Variants in MAGI2 observed in about 807,000 individuals in gnomAD.
MAGI2 encodes membrane associated guanylate kinase, WW and PDZ domain containing 2.
Under a neutral mutation model 133.3 loss-of-function variants are expected in MAGI2, and 35 were observed. The ratio of observed to expected loss-of-function variants is 0.26; its 90% CI spans 0.20 to 0.35. The LOEUF is 0.35. Among genes scored for constraint, MAGI2 ranks in the 10% least tolerant of loss-of-function variants. The probability of loss-of-function intolerance (pLI) is 1.00; values close to 1 mark genes in which losing one functional copy is unlikely to be tolerated. For synonymous variants in MAGI2, 729 were observed against 710.6 expected, an observed-to-expected ratio of 1.03 and a Z score of -0.41; for missense variants, 1,636 against 1,863.4, an observed-to-expected ratio of 0.88 and a Z score of 2.25.
intron 4 of MAGI2, among the ~76,000 whole-genome samples, chr7:78,515,578 C>T (rs951238912): frequency 2.0e-5 from 3 of 152,034 alleles, no homozygotes; most frequent in South Asian, 2.1e-4. Flanking sequence ...ATATGCTAAT[C>T]GCTGAACAGG....
chr7:78,958,435 C>A (rs1232782797), intron 2 of MAGI2, among the ~76,000 whole-genome samples: 2 of 152,016 alleles, frequency 1.3e-5, no homozygotes, highest in African/African-American at 4.8e-5. Context: ...GAACAGGGAC[C>A]CTCAACATCA....
intron 1 of MAGI2, among the ~76,000 whole-genome samples, chr7:79,418,892 T>C (rs1470315822): frequency 6.8e-6 from 1 of 148,146 alleles, no homozygotes; most frequent in Non-Finnish European, 1.5e-5. Flanking sequence ...CACACATTTG[T>C]CAGATAGTCA....
At chr7:78,109,516 C>T (rs1819138712) in intron 20 of MAGI2, among the ~76,000 whole-genome samples, 1 of 151,682 alleles carries the variant, frequency 6.6e-6, no homozygotes, top group Admixed American at 6.6e-5. Flanking sequence ...CCTGTAGTCC[C>T]AACTACTTGG....
intron 10 of MAGI2, chr7:78,253,624 T>A (rs1235888741): frequency 2.0e-5 from 3 of 152,192 alleles, no homozygotes; most frequent in Admixed American, 1.3e-4. Flanking sequence ...GACCATAAAC[T>A]TTCTGTGACT....
At chr7:79,391,512 T>TATATATATATATATATATATATAGAC (rs1844621728) in intron 1 of MAGI2, among the ~76,000 whole-genome samples, 17 of 43,258 alleles carry the variant, frequency 3.9e-4, no homozygotes, top group South Asian at 1.7e-3. Flanking sequence ...TATAGACATA[T>TATATATATATATATATATATATAGAC]ATATATATAT....
intron 10 of MAGI2, among the ~76,000 whole-genome samples, chr7:78,249,103 T>C (rs144019297): frequency 6.6e-6 from 1 of 152,158 alleles, no homozygotes; most frequent in Non-Finnish European, 1.5e-5. Context: ...CTAACAGTTA[T>C]ATGAAAAATT....
At chr7:79,180,417 C>T (rs567496261) in intron 1 of MAGI2, among the ~76,000 whole-genome samples, 42 of 152,130 alleles carry the variant, frequency 2.8e-4, no homozygotes, top group African/African-American at 9.9e-4. Flanking sequence ...CAGGTCACAT[C>T]TTATGTGGAT....
intron 1 of MAGI2, among the ~76,000 whole-genome samples, chr7:79,245,258 A>T (rs1392369090): frequency 6.6e-6 from 1 of 152,196 alleles, no homozygotes; most frequent in Admixed American, 6.5e-5. Context: ...AAGGAAGAGT[A>T]AAGGGGACTT....
At chr7:78,080,276 T>C (rs1429851911) in intron 20 of MAGI2, among the ~76,000 whole-genome samples, 1 of 152,228 alleles carries the variant, frequency 6.6e-6, no homozygotes, top group Non-Finnish European at 1.5e-5. Flanking sequence ...GTAAAGACCT[T>C]CCTTTGTATA....
At chr7:78,247,663 C>A (rs752206703) in intron 10 of MAGI2, among the ~76,000 whole-genome samples, 4 of 151,882 alleles carry the variant, frequency 2.6e-5, no homozygotes, top group Non-Finnish European at 4.4e-5. Context: ...TAAAAACATA[C>A]AATACAGAGC....
chr7:78,955,100 G>T (rs1802183723), intron 2 of MAGI2, among the ~76,000 whole-genome samples: 1 of 151,970 alleles, frequency 6.6e-6, no homozygotes, highest in Admixed American at 6.6e-5. Context: ...GCCCCTTATT[G>T]TCTCACTATT....
At chr7:79,297,626 C>G (rs1252490618) in intron 1 of MAGI2, among the ~76,000 whole-genome samples, 2 of 152,132 alleles carry the variant, frequency 1.3e-5, no homozygotes, top group Non-Finnish European at 2.9e-5. Flanking sequence ...TATCTTCTAA[C>G]AAGAGAAGCC....
At position 78,079,140 on chromosome 7, in the gene MAGI2, T is replaced by G. The variant is rs1815688072; in HGVS notation, c.3568-55A>C. On this transcript the variant is annotated intron_variant, in intron 20 of 21. Transcript: ENST00000354212. ...AAAGATGGTTTTACTCAAGTTGCAT[T>G]GTCAACAGATTAAAAAAAAAGCATG... is the stretch of plus-strand genomic sequence containing the variant. 3 of 1,532,252 alleles carry G rather than the reference T, an allele frequency of 2.0e-6. No individual in the cohort carries two copies. The African/African-American group carries it at 4.1e-5, about 21-fold the overall frequency. The allele number at this position is 1,532,252 out of a possible 1,614,324, so 94.9% of individuals were successfully genotyped here. A position where few individuals can be genotyped will look rare whatever the true frequency, so the allele number is the denominator to read the frequency against.
chr7:78,100,739 GA>G (rs35644813), intron 20 of MAGI2, among the ~76,000 whole-genome samples: 14,733 of 152,146 alleles, frequency 0.097, 786 homozygotes, highest in African/African-American at 0.12. Context: ...GAGGCATACA[GA>G]CTGGAAAGGA....
At position 78,984,713 on chromosome 7, in the gene MAGI2, CCA is replaced by C. The variant is rs1489209587; in HGVS notation, c.418+22375_418+22376del. ...TTCATCCACACCCACACTACCCCACCCACACACACTCAGCACTATCACCCCTG... is the reference window on the plus strand; with the variant it reads ...TTCATCCACACCCACACTACCCCACCCACACACTCAGCACTATCACCCCTG... On this transcript the variant is annotated intron_variant, in intron 2 of 21. Coordinates refer to ENST00000354212, the MANE Select transcript of MAGI2 (RefSeq NM_012301.4). Among the ~76,000 whole-genome samples, 14 of 151,956 alleles carry C rather than the reference CCA, an allele frequency of 9.2e-5. 1 individual carries two copies. The highest frequency in any genetic ancestry group is 8.3e-4 in the South Asian group (4 of 4,806).
At chr7:79,429,644 T>C (rs1248742108) in intron 1 of MAGI2, among the ~76,000 whole-genome samples, 1 of 152,150 alleles carries the variant, frequency 6.6e-6, no homozygotes, top group African/African-American at 2.4e-5. Flanking sequence ...TAAAAAGTTG[T>C]TTTAAAAATT....
intron 18 of MAGI2, among the ~76,000 whole-genome samples, chr7:78,131,202 CT>C (rs1821527683): frequency 6.6e-6 from 1 of 152,234 alleles, no homozygotes; most frequent in South Asian, 2.1e-4. Flanking sequence ...GCAAACCCAT[CT>C]GGGGCTCATT....
At position 78,857,478 on chromosome 7, in the gene MAGI2, G is replaced by T. The variant is rs181991969; in HGVS notation, c.418+149612C>A. On this transcript the variant is annotated intron_variant, in intron 2 of 21. Coordinates refer to ENST00000354212, the MANE Select transcript of MAGI2 (RefSeq NM_012301.4). ...TTAGCATGAAGAGGTGTCGAATTTT[G>T]TTGAAGGCCTTTTCTGCATCTATTG... Among the ~76,000 whole-genome samples the T allele has an allele frequency of 2.4e-3, 361 of 152,232 alleles. 3 individuals are homozygous for T. Among genetic ancestry groups the T allele is most frequent in the African/African-American group, 8.2e-3 (342 of 41,522 alleles).
chr7:78,487,741 T>C (rs1056773310), intron 6 of MAGI2, among the ~76,000 whole-genome samples: 9 of 152,026 alleles, frequency 5.9e-5, no homozygotes, highest in African/African-American at 2.2e-4. Flanking sequence ...GGGCAAATCT[T>C]TGCTGGAAAA....
Sources: allele counts gnomAD v4.1 joint callset (sites outside exome capture counted in the v4.1 genomes callset), GRCh38; gene constraint gnomAD v4.1.1; transcripts MANE v1.5; gene names NCBI Gene and HGNC (gene_info 2026-07-23, HGNC 2026-07-21).